RFX6: variants seen among roughly 807,000 people sequenced by gnomAD.
The protein encoded by RFX6 is DNA-binding protein RFX6.
A neutral mutation model predicts 110.8 loss-of-function variants in RFX6; 50 were observed. The observed-to-expected ratio is 0.45, with a 90% CI of 0.36 to 0.57. RFX6 has a LOEUF of 0.57. Ranked by LOEUF, RFX6 falls within the 20% of genes least tolerant of loss-of-function variation. The pLI is 0.00. For synonymous variants in RFX6, 383 were observed against 411.2 expected, an observed-to-expected ratio of 0.93 and a Z score of 0.83; for missense variants, 990 against 1,127.0, an observed-to-expected ratio of 0.88 and a Z score of 1.74.
chr6:116,906,819 TCTA>T (rs1406507729), intron 6 of RFX6, among the ~76,000 whole-genome samples: 3 of 151,308 alleles, frequency 2.0e-5, no homozygotes, highest in African/African-American at 7.3e-5. Context: ...ACAGAGATTT[TCTA>T]CTTCTTCCTT....
At chr6:116,924,038 G>C (rs1159774658) in intron 14 of RFX6, among the ~76,000 whole-genome samples, 2 of 152,130 alleles carry the variant, frequency 1.3e-5, no homozygotes, top group African/African-American at 4.8e-5. Flanking sequence ...ATTTGAAATA[G>C]ACTTCCCATA....
intron 18 of RFX6, among the ~76,000 whole-genome samples, chr6:116,929,279 G>GT (rs1211152161): frequency 6.6e-6 from 1 of 152,098 alleles, no homozygotes; most frequent in African/African-American, 2.4e-5. Context: ...GTCTAAAACT[G>GT]TAAGTTTTAA....
chr6:116,924,730 G>C lies in RFX6; in HGVS notation c.1617G>C (p.Gln539His), dbSNP rs1257961343. Residue 539 changes from glutamine (Q) to histidine (H), a missense_variant, in exon 15 of 19, where the codon CAG becomes CAC. This residue lies in a region of RFX6 where 89 missense variants were observed against 140.3 expected (regional missense o/e 0.63). Coordinates refer to ENST00000332958, the MANE Select transcript of RFX6 (RefSeq NM_173560.4). Reference sequence around the variant, plus strand: ...ACATTCTCCTGGCCATGGAGACCCAGTTTAATAATGACAAAGAGCAGGAGT... The same window carrying C: ...ACATTCTCCTGGCCATGGAGACCCACTTTAATAATGACAAAGAGCAGGAGT... The part of the protein sequence containing the change: ...DEYILLAMET[Q>H]FNNDKEQELQ... 17 of 1,598,156 alleles carry C rather than the reference G, an allele frequency of 1.1e-5. No homozygotes were observed. Among genetic ancestry groups the C allele is most frequent in the Non-Finnish European group, 1.4e-5 (16 of 1,165,648 alleles).
Position 116,917,923 on chromosome 6 carries a change from A to C in RFX6, c.973-114A>C, listed in dbSNP as rs13213246. ...GATAAAATTATAACTTTGAGAAAGG[A>C]GTTAACATGTTATTCTCTAGGAAGC... On this transcript the variant is annotated intron_variant, in intron 9 of 18. Coordinates refer to ENST00000332958, the MANE Select transcript of RFX6 (RefSeq NM_173560.4). The C allele has an allele frequency of 0.091, 65,902 of 726,822 alleles. 3,951 individuals are homozygous for C. The highest frequency in any genetic ancestry group is 0.13 in the Non-Finnish European group (52,217 of 407,306). 45.0% of individuals were successfully genotyped at this position (726,822 alleles called of 1,614,324 possible).
chr6:116,931,580 C>T lies in RFX6; in HGVS notation c.*74C>T, dbSNP rs1775887246. On this transcript the variant is annotated 3_prime_UTR_variant, in exon 19 of 19. Coordinates refer to ENST00000332958, the MANE Select transcript of RFX6 (RefSeq NM_173560.4). ...GTGCAAATATCATTATTCACTCAGACTTCCATAAGAGTAAATAAAAATGAA... is the reference window on the plus strand; with the variant it reads ...GTGCAAATATCATTATTCACTCAGATTTCCATAAGAGTAAATAAAAATGAA... 1.8e-6 allele frequency: 2 copies of T among 1,100,944 alleles called. No individual in the cohort carries two copies. The highest frequency in any genetic ancestry group is 2.0e-5 in the Admixed American group (1 of 49,286). The allele number at this position is 1,100,944 out of a possible 1,614,324, so 68.2% of individuals were successfully genotyped here. A position where few individuals can be genotyped will look rare whatever the true frequency, so the allele number is the denominator to read the frequency against.
At chr6:116,928,010 C>G (rs1441730397) in intron 17 of RFX6, among the ~76,000 whole-genome samples, 1 of 151,182 alleles carries the variant, frequency 6.6e-6, no homozygotes, top group East Asian at 1.9e-4. Flanking sequence ...TCCCAAAATG[C>G]TGAGGTGCCT....
intron 17 of RFX6, 39 bp from the exon 18 acceptor site, chr6:116,928,720 A>G (rs1163478802): frequency 6.9e-7 from 1 of 1,449,736 alleles, no homozygotes; most frequent in African/African-American, 1.4e-5. Context: ...AGTTCTTTGT[A>G]GTAAGTTAAC....
intron 6 of RFX6, among the ~76,000 whole-genome samples, chr6:116,896,609 G>C (rs1774950406): frequency 6.6e-6 from 1 of 152,164 alleles, no homozygotes; most frequent in Non-Finnish European, 1.5e-5. Context: ...AGGAGGCTGA[G>C]GCAGCAGAAT....
chr6:116,886,175 AT>A (rs775960703), intron 4 of RFX6, among the ~76,000 whole-genome samples: 21 of 152,186 alleles, frequency 1.4e-4, no homozygotes, highest in Non-Finnish European at 2.4e-4. Context: ...TATTTAAAAA[AT>A]ATAAATAAAT....
chr6:116,892,874 C>G (rs1233805209), intron 4 of RFX6, among the ~76,000 whole-genome samples: 1 of 151,986 alleles, frequency 6.6e-6, no homozygotes, highest in African/African-American at 2.4e-5. Context: ...ACTTCTTGGC[C>G]AAGTAGTTCT....
chr6:116,907,778 A>G (rs1354355871), intron 6 of RFX6, among the ~76,000 whole-genome samples: 4 of 152,032 alleles, frequency 2.6e-5, no homozygotes, highest in African/African-American at 7.2e-5. Context: ...CTATACTCTT[A>G]CTTAACTTCT....
At chr6:116,927,638 T>C (rs1775775559) in intron 17 of RFX6, 99 bp downstream of exon 17, 1 of 946,866 alleles carries the variant, frequency 1.1e-6, no homozygotes, top group Non-Finnish European at 1.7e-6. Flanking sequence ...GTCCTTTCAT[T>C]TAAGGCTTCC....
In RFX6 at chr6:116,924,758, C is replaced by G. The variant is rs1465589580; in HGVS notation, c.1645C>G (p.Gln549Glu). The G allele has an allele frequency of 4.4e-6, 7 of 1,592,600 alleles. No individual in the cohort carries two copies. Among genetic ancestry groups the G allele is most frequent in the Non-Finnish European group, 5.2e-6 (6 of 1,160,522 alleles). Residue 549 changes from glutamine to glutamate, a missense_variant, in exon 15 of 19, where the codon CAG (glutamine) becomes GAG (glutamate). Gln to Glu is a conservative substitution (Grantham distance 29). This residue lies in a region of RFX6 where 89 missense variants were observed against 140.3 expected (regional missense o/e 0.63). Transcript: ENST00000332958. ...QFNNDKEQEL[Q>E]NLLDKYMKNS... ...TAATAATGACAAAGAGCAGGAGTTA[C>G]AGAATTTATTGGACAAGTATATGAA...
chr6:116,899,947 A>G (rs539496584), intron 6 of RFX6, among the ~76,000 whole-genome samples: 4 of 152,326 alleles, frequency 2.6e-5, no homozygotes, highest in African/African-American at 9.6e-5. Context: ...AAAAAATCCT[A>G]TAAAAATATG....
intron 16 of RFX6, 137 bp downstream of exon 16, chr6:116,925,796 T>G (rs1401327666): frequency 1.2e-5 from 8 of 684,574 alleles, no homozygotes; most frequent in Middle Eastern, 3.9e-4. Flanking sequence ...TTAATAAAGA[T>G]TTATAATATT....
chr6:116,923,597 T>C (rs1282378824), intron 14 of RFX6: 1 of 212,026 alleles, frequency 4.7e-6, no homozygotes, highest in African/African-American at 2.3e-5. Flanking sequence ...GGATAAATTT[T>C]CTTTGTTAAA....
At chr6:116,925,744 C>T in intron 16 of RFX6, 85 bp downstream of exon 16, 1 of 837,804 alleles carries the variant, frequency 1.2e-6, no homozygotes, top group South Asian at 1.5e-5. Flanking sequence ...AACTTCCAGT[C>T]CAGGAATTCC....
intron 7 of RFX6, 37 bp from the exon 8 acceptor site, chr6:116,915,971 A>T (rs1775454339): frequency 2.2e-6 from 3 of 1,382,004 alleles, no homozygotes; most frequent in Non-Finnish European, 3.1e-6. Context: ...CAGTGTTAAA[A>T]GGATGCTTTG....
chr6:116,877,697 C>T (rs572012431), intron 1 of RFX6, 99 bp from the exon 2 acceptor site: 2 of 1,235,216 alleles, frequency 1.6e-6, no homozygotes, highest in African/African-American at 1.5e-5. Flanking sequence ...TCCGCCCCCA[C>T]CCCAGTAGGC....
Sources: allele counts gnomAD v4.1 joint callset (sites outside exome capture counted in the v4.1 genomes callset), GRCh38; gene constraint gnomAD v4.1.1; regional missense constraint gnomAD v4.1.1; transcripts MANE v1.5; gene names NCBI Gene and HGNC (gene_info 2026-07-23, HGNC 2026-07-21).